The following PCDH9 variants were observed in gnomAD, a reference collection of about 807,000 sequenced individuals.
The protein encoded by PCDH9 is protocadherin 9.
PCDH9 carries 24 observed loss-of-function variants against 70.6 expected under a neutral mutation model. That is an observed-to-expected ratio of 0.34 (90% confidence interval 0.25 to 0.48). The LOEUF is 0.48. PCDH9 is among the 20% of genes least tolerant of loss of function. The probability of loss-of-function intolerance (pLI) is 0.99; values close to 1 mark genes in which losing one functional copy is unlikely to be tolerated. For missense variants in PCDH9, 1,281 were observed against 1,503.6 expected, an observed-to-expected ratio of 0.85 and a Z score of 2.45; for synonymous variants, 562 against 558.5, an observed-to-expected ratio of 1.01 and a Z score of -0.09.
intron 2 of PCDH9, among the ~76,000 whole-genome samples, chr13:67,035,216 G>A (rs1164612959): frequency 6.6e-6 from 1 of 152,084 alleles, no homozygotes; most frequent in Non-Finnish European, 1.5e-5. Context: ...ACTGTCCAAA[G>A]TTTGCAAATC....
chr13:66,996,972 T>A (rs904221518), intron 2 of PCDH9, among the ~76,000 whole-genome samples: 1 of 152,148 alleles, frequency 6.6e-6, no homozygotes, highest in Admixed American at 6.5e-5. Context: ...TTAAGTTTGA[T>A]TAGATATGAA....
chr13:66,342,400 C>T (rs1355937162), intron 4 of PCDH9, among the ~76,000 whole-genome samples: 3 of 152,158 alleles, frequency 2.0e-5, no homozygotes, highest in Non-Finnish European at 4.4e-5. Context: ...TAATAATCAT[C>T]AAAATAATTT....
chr13:66,368,634 ATGT>A (rs1332554325), intron 4 of PCDH9, among the ~76,000 whole-genome samples: 1 of 151,970 alleles, frequency 6.6e-6, no homozygotes, highest in Non-Finnish European at 1.5e-5. Flanking sequence ...TAGAGAGCAA[ATGT>A]TGTATCAATT....
intron 2 of PCDH9, among the ~76,000 whole-genome samples, chr13:67,120,334 G>A (rs1168885043): frequency 5.9e-5 from 9 of 151,872 alleles, no homozygotes; most frequent in South Asian, 2.1e-4. Context: ...TATGTGTGCC[G>A]GCCACCTCTG....
chr13:66,732,456 C>T (rs868521041), intron 3 of PCDH9, among the ~76,000 whole-genome samples: 117 of 151,994 alleles, frequency 7.7e-4, no homozygotes, highest in African/African-American at 2.6e-3. Context: ...AAGGGCCTTG[C>T]CAAGCTTGGA....
intron 4 of PCDH9, among the ~76,000 whole-genome samples, chr13:66,453,645 G>A (rs992552937): frequency 3.9e-5 from 6 of 152,108 alleles, no homozygotes; most frequent in African/African-American, 1.2e-4. Context: ...CCATGGGGAC[G>A]TCTGTACAAA....
intron 4 of PCDH9, among the ~76,000 whole-genome samples, chr13:66,436,613 T>C (rs1375013963): frequency 6.6e-6 from 1 of 152,200 alleles, no homozygotes; most frequent in Non-Finnish European, 1.5e-5. Flanking sequence ...TGCAGTAAAG[T>C]AGTCTAACTT....
intron 2 of PCDH9, among the ~76,000 whole-genome samples, chr13:67,168,044 A>C (rs1304610530): frequency 2.0e-5 from 3 of 152,192 alleles, no homozygotes; most frequent in African/African-American, 7.2e-5. Context: ...GCTCAAATTA[A>C]AAATGACAAA....
intron 4 of PCDH9, among the ~76,000 whole-genome samples, chr13:66,568,428 C>T (rs1371235500): frequency 6.6e-6 from 1 of 150,704 alleles, no homozygotes; most frequent in Non-Finnish European, 1.5e-5. Context: ...CACACACGCA[C>T]ACGCACACGC....
intron 3 of PCDH9, among the ~76,000 whole-genome samples, chr13:66,698,895 C>CTTTTTTT (rs67333897): frequency 3.3e-4 from 20 of 61,122 alleles, no homozygotes; most frequent in Non-Finnish European, 4.2e-4. Context: ...CTCAATTCCT[C>CTTTTTTT]TTTTTTTTTT....
At chr13:66,469,721 G>A (rs551872113) in intron 4 of PCDH9, among the ~76,000 whole-genome samples, 1 of 152,022 alleles carries the variant, frequency 6.6e-6, no homozygotes, top group African/African-American at 2.4e-5. Context: ...GGTATCTCTG[G>A]TCGCCTCTTA....
chr13:66,599,766 A>C (rs2077144331), intron 4 of PCDH9, among the ~76,000 whole-genome samples: 1 of 151,636 alleles, frequency 6.6e-6, no homozygotes, highest in Non-Finnish European at 1.5e-5. Context: ...CTGAGATTGT[A>C]CTCTTTTTAA....
At chr13:66,545,949 C>T (rs998757148) in intron 4 of PCDH9, among the ~76,000 whole-genome samples, 1 of 151,680 alleles carries the variant, frequency 6.6e-6, no homozygotes, top group Admixed American at 6.6e-5. Context: ...TGCCATTCTG[C>T]CTCAGCCTCC....
At chr13:67,135,394 T>A (rs2087209745) in intron 2 of PCDH9, among the ~76,000 whole-genome samples, 3 of 152,154 alleles carry the variant, frequency 2.0e-5, no homozygotes, top group African/African-American at 7.2e-5. Context: ...GTGTTTCCAA[T>A]TTATATTTTC....
chr13:66,592,263 G>C (rs2077047899), intron 4 of PCDH9, among the ~76,000 whole-genome samples: 1 of 151,576 alleles, frequency 6.6e-6, no homozygotes, highest in African/African-American at 2.4e-5. Context: ...CTAGAATTCT[G>C]GGCAGGATAC....
chr13:66,891,047 T>C (rs538968636), intron 3 of PCDH9, among the ~76,000 whole-genome samples: 18 of 152,238 alleles, frequency 1.2e-4, no homozygotes, highest in African/African-American at 4.3e-4. Flanking sequence ...AATAAAATCA[T>C]GCAGCATATA....
chr13:66,391,542 T>C (rs1183697240), intron 4 of PCDH9, among the ~76,000 whole-genome samples: 1 of 152,152 alleles, frequency 6.6e-6, no homozygotes, highest in East Asian at 1.9e-4. Flanking sequence ...AAAAGTACAT[T>C]ATATATTCAG....
chr13:67,023,153 C>CTTT (rs78287460), intron 2 of PCDH9, among the ~76,000 whole-genome samples: 56 of 146,006 alleles, frequency 3.8e-4, no homozygotes, highest in African/African-American at 1.4e-3. Flanking sequence ...CATGAAAATC[C>CTTT]TTTTTTTTTT....
intron 4 of PCDH9, among the ~76,000 whole-genome samples, chr13:66,464,412 G>A (rs1958480362): frequency 6.6e-6 from 1 of 151,838 alleles, no homozygotes; most frequent in Non-Finnish European, 1.5e-5. Context: ...GCAGAACACA[G>A]CTATACCTGA....
Sources: gnomAD v4.1 joint callset for allele counts (sites outside exome capture counted in the v4.1 genomes callset) on GRCh38, gnomAD v4.1.1 for gene constraint, MANE v1.5 for transcripts, NCBI Gene and HGNC (gene_info 2026-07-23, HGNC 2026-07-21) for gene names.